ADAM18: variants seen among roughly 807,000 people sequenced by gnomAD.
ADAM18 encodes the protein ADAM metallopeptidase domain 18.
In ADAM18, 117 loss-of-function variants were observed where a neutral mutation model predicts 94.4. The observed-to-expected ratio is 1.24, with a 90% CI of 1.07 to 1.45. The LOEUF is 1.45. Ranked by LOEUF, ADAM18 falls within the 40% of genes most tolerant of loss-of-function variation. ADAM18 has a pLI of 0.00. For synonymous variants in ADAM18, 327 were observed against 291.6 expected (o/e 1.12, Z -1.24); for missense variants, 936 against 880.0 (o/e 1.06, Z -0.81).
intron 14 of ADAM18, among the ~76,000 whole-genome samples, chr8:39,673,722 C>T (rs548425648): frequency 7.6e-4 from 115 of 152,218 alleles, no homozygotes; most frequent in African/African-American, 2.6e-3. Context: ...GTTAAGGTGT[C>T]GATTTTAGAT....
chr8:39,647,207 G>A (rs1820406477), intron 11 of ADAM18, among the ~76,000 whole-genome samples: 1 of 141,296 alleles, frequency 7.1e-6, no homozygotes, highest in Non-Finnish European at 1.5e-5. Context: ...CGGTAGGAGA[G>A]CAGAGTGATA....
At chr8:39,652,557 G>A (rs1221142449) in intron 12 of ADAM18, among the ~76,000 whole-genome samples, 1 of 152,094 alleles carries the variant, frequency 6.6e-6, no homozygotes, top group Non-Finnish European at 1.5e-5. Flanking sequence ...ATGTTGGTAA[G>A]GGTGTGGAGT....
rs773700772 is a variant in ADAM18 at position 39,629,389 on chromosome 8, A to G, written c.538A>G (p.Lys180Glu). The change falls in exon 7 of 20, where the codon AAA becomes GAA. Residue 180 changes from lysine to glutamate, a missense_variant. Transcript: ENST00000265707. ...PLNSQIKNLS[K>E]LLPQYLEIYI... ...TGTTTTCCAGATAAAAAATCTTTCA[A>G]AACTATTACCCCAATATCTGGAAAT... 2.5e-6 allele frequency: 4 copies of G among 1,579,282 alleles called. No individual in the cohort carries two copies. The highest frequency in any genetic ancestry group is 3.5e-6 in the Non-Finnish European group (4 of 1,159,040).
At chr8:39,720,414 C>G (rs1374070602) in intron 18 of ADAM18, among the ~76,000 whole-genome samples, 4 of 151,208 alleles carry the variant, frequency 2.6e-5, no homozygotes, top group Non-Finnish European at 4.4e-5. Context: ...ATAACAAAAC[C>G]TATCAAATTA....
At chr8:39,710,040 C>T (rs1822352400) in intron 18 of ADAM18, among the ~76,000 whole-genome samples, 2 of 152,152 alleles carry the variant, frequency 1.3e-5, no homozygotes, top group South Asian at 4.1e-4. Flanking sequence ...AGGGAATGGT[C>T]ATACTTAGTT....
At chr8:39,722,346 A>C (rs1822784091) in intron 18 of ADAM18, among the ~76,000 whole-genome samples, 1 of 150,106 alleles carries the variant, frequency 6.7e-6, no homozygotes, top group Non-Finnish European at 1.5e-5. Flanking sequence ...CTACTGAGCC[A>C]TAAAAAAATA....
intron 12 of ADAM18, among the ~76,000 whole-genome samples, chr8:39,659,649 A>G (rs546101170): frequency 6.6e-6 from 1 of 152,246 alleles, no homozygotes; most frequent in South Asian, 2.1e-4. Context: ...TCCATAGTTC[A>G]TAAGGCTTTA....
chr8:39,681,575 G>A (rs1443604699), intron 16 of ADAM18, among the ~76,000 whole-genome samples: 6 of 152,098 alleles, frequency 3.9e-5, no homozygotes, highest in Non-Finnish European at 7.4e-5. Context: ...CTGGACATAT[G>A]GTGCTGCTGT....
At chr8:39,657,456 T>C (rs1040444674) in intron 12 of ADAM18, among the ~76,000 whole-genome samples, 2 of 152,044 alleles carry the variant, frequency 1.3e-5, no homozygotes, top group African/African-American at 4.8e-5. Context: ...GGATTACAGG[T>C]GCCCACCACC....
intron 2 of ADAM18, among the ~76,000 whole-genome samples, chr8:39,597,956 A>G (rs148543924): frequency 6.6e-6 from 1 of 152,174 alleles, no homozygotes; most frequent in African/African-American, 2.4e-5. Context: ...TTTTTCATCA[A>G]TTTTGAAGTT....
intron 18 of ADAM18, among the ~76,000 whole-genome samples, chr8:39,707,645 A>G (rs1398565033): frequency 6.6e-6 from 1 of 152,198 alleles, no homozygotes; most frequent in Non-Finnish European, 1.5e-5. Context: ...TATTAAGGAA[A>G]ATATGTATGT....
intron 6 of ADAM18, among the ~76,000 whole-genome samples, chr8:39,628,712 A>G (rs1819844050): frequency 6.6e-6 from 1 of 152,072 alleles, no homozygotes; most frequent in Non-Finnish European, 1.5e-5. Flanking sequence ...AGCTTGTTAG[A>G]AATAAAGCTC....
intron 18 of ADAM18, among the ~76,000 whole-genome samples, chr8:39,716,119 A>G (rs951888657): frequency 6.6e-6 from 1 of 151,202 alleles, no homozygotes; most frequent in Non-Finnish European, 1.5e-5. Context: ...TGTTTTATCA[A>G]TTTTGTTTGC....
intron 2 of ADAM18, among the ~76,000 whole-genome samples, chr8:39,586,271 C>A (rs1818388803): frequency 6.6e-6 from 1 of 152,166 alleles, no homozygotes; most frequent in Non-Finnish European, 1.5e-5. Flanking sequence ...ATATATAAAT[C>A]TTATTTATCA....
chr8:39,690,599 G>A (rs769413729), intron 16 of ADAM18, among the ~76,000 whole-genome samples: 149 of 151,970 alleles, frequency 9.8e-4, no homozygotes, highest in Non-Finnish European at 1.8e-3. Flanking sequence ...AATTACATTT[G>A]TATTGTTGTG....
intron 16 of ADAM18, among the ~76,000 whole-genome samples, chr8:39,688,743 A>G (rs1821684711): frequency 1.3e-5 from 2 of 152,180 alleles, no homozygotes; most frequent in Non-Finnish European, 2.9e-5. Context: ...GTATATAACC[A>G]GTAATGGGAT....
chr8:39,644,793 T>C (rs886671506), intron 10 of ADAM18, among the ~76,000 whole-genome samples: 13 of 152,208 alleles, frequency 8.5e-5, no homozygotes, highest in African/African-American at 3.1e-4. Flanking sequence ...CTTAACTACC[T>C]TATTTTATAC....
At chr8:39,636,268 G>A (rs1042049724) in intron 7 of ADAM18, among the ~76,000 whole-genome samples, 2 of 152,056 alleles carry the variant, frequency 1.3e-5, no homozygotes, top group African/African-American at 4.8e-5. Flanking sequence ...TTATAGGCGT[G>A]AGTCACTGCA....
chr8:39,677,398 AT>A, intron 14 of ADAM18, 32 bp from the exon 15 acceptor site: 1 of 1,506,868 alleles, frequency 6.6e-7, no homozygotes, highest in Middle Eastern at 1.7e-4. Flanking sequence ...CATATTAAGA[AT>A]GATAATTCAA....
Sources: allele counts gnomAD v4.1 joint callset (sites outside exome capture counted in the v4.1 genomes callset), GRCh38; gene constraint gnomAD v4.1.1; transcripts MANE v1.5; gene names NCBI Gene and HGNC (gene_info 2026-07-23, HGNC 2026-07-21).